Variants in DCC observed in about 807,000 individuals in gnomAD.
The protein encoded by DCC is netrin receptor DCC.
DCC carries 58 observed loss-of-function variants against 172.5 expected under a neutral mutation model. The ratio of observed to expected loss-of-function variants is 0.34; its 90% CI spans 0.27 to 0.42. The LOEUF is 0.42. DCC is among the 10% of genes least tolerant of loss of function. The probability of loss-of-function intolerance (pLI) is 1.00; values close to 1 mark genes in which losing one functional copy is unlikely to be tolerated. For synonymous variants in DCC, 709 were observed against 644.5 expected, an observed-to-expected ratio of 1.10 and a Z score of -1.52; for missense variants, 1,740 against 1,791.0, an observed-to-expected ratio of 0.97 and a Z score of 0.51.
At chr18:53,342,784 T>C (rs1328098632) in intron 15 of DCC, among the ~76,000 whole-genome samples, 2 of 147,378 alleles carry the variant, frequency 1.4e-5, no homozygotes, top group African/African-American at 4.9e-5. Flanking sequence ...TATATATATT[T>C]GAATATATGA....
chr18:52,772,290 A>G (rs533539406), intron 2 of DCC, among the ~76,000 whole-genome samples: 1 of 152,204 alleles, frequency 6.6e-6, no homozygotes, highest in Admixed American at 6.5e-5. Context: ...CAGACAGTAA[A>G]CCATGGATAT....
At chr18:52,864,832 C>G (rs1456131023) in intron 2 of DCC, among the ~76,000 whole-genome samples, 1 of 151,600 alleles carries the variant, frequency 6.6e-6, no homozygotes, top group Non-Finnish European at 1.5e-5. Flanking sequence ...CCAGCTTCAT[C>G]CATGTCCCTG....
At chr18:52,374,332 C>A (rs760679669) in intron 1 of DCC, among the ~76,000 whole-genome samples, 10 of 152,072 alleles carry the variant, frequency 6.6e-5, no homozygotes, top group Non-Finnish European at 1.3e-4. Context: ...ATTTCCCTTA[C>A]GATCCAAGCT....
intron 3 of DCC, among the ~76,000 whole-genome samples, chr18:52,913,156 C>T (rs1308901510): frequency 2.0e-5 from 3 of 152,034 alleles, no homozygotes; most frequent in African/African-American, 7.2e-5. Flanking sequence ...AGTAAATTGA[C>T]AATCCTATTG....
chr18:53,257,852 TG>T (rs1223019128), intron 12 of DCC, among the ~76,000 whole-genome samples: 1 of 152,192 alleles, frequency 6.6e-6, no homozygotes, highest in Non-Finnish European at 1.5e-5. Flanking sequence ...GGACTTTTTT[TG>T]GTTGGTAAGC....
chr18:53,115,939 C>A (rs1326908428), intron 7 of DCC, among the ~76,000 whole-genome samples: 2 of 151,352 alleles, frequency 1.3e-5, no homozygotes, highest in Non-Finnish European at 3.0e-5. Flanking sequence ...GGACCAGGGA[C>A]AAATCCTTAC....
intron 20 of DCC, among the ~76,000 whole-genome samples, chr18:53,410,878 T>G (rs961272061): frequency 8.6e-6 from 1 of 115,694 alleles, no homozygotes; most frequent in Non-Finnish European, 2.1e-5. Flanking sequence ...TTTACAGTCC[T>G]GCTAGAAGTT....
chr18:52,470,361 G>A (rs866323686), intron 1 of DCC, among the ~76,000 whole-genome samples: 85 of 152,242 alleles, frequency 5.6e-4, no homozygotes, highest in African/African-American at 1.9e-3. Context: ...GAAGAGATAT[G>A]CATTGTGAAC....
intron 15 of DCC, among the ~76,000 whole-genome samples, chr18:53,341,128 C>T (rs989214875): frequency 7.2e-5 from 11 of 152,282 alleles, no homozygotes; most frequent in Non-Finnish European, 1.3e-4. Flanking sequence ...TATTTTATGG[C>T]TATCAAGCCT....
intron 12 of DCC, among the ~76,000 whole-genome samples, chr18:53,266,103 C>A (rs2056670440): frequency 6.6e-6 from 1 of 152,192 alleles, no homozygotes; most frequent in South Asian, 2.1e-4. Flanking sequence ...CCTAACCAAG[C>A]ACCAGGTCAG....
chr18:53,030,504 A>G (rs2042012765), intron 5 of DCC, among the ~76,000 whole-genome samples: 1 of 151,934 alleles, frequency 6.6e-6, no homozygotes, highest in Non-Finnish European at 1.5e-5. Flanking sequence ...CTCTTCTTTA[A>G]GCTGGAAATA....
intron 1 of DCC, among the ~76,000 whole-genome samples, chr18:52,717,170 G>C (rs920105969): frequency 6.6e-6 from 1 of 152,154 alleles, no homozygotes; most frequent in Non-Finnish European, 1.5e-5. Flanking sequence ...TTGTAAACAG[G>C]ATGAGGAAGA....
chr18:53,250,868 A>T (rs1047263316), intron 12 of DCC, among the ~76,000 whole-genome samples: 1 of 151,816 alleles, frequency 6.6e-6, no homozygotes, highest in African/African-American at 2.4e-5. Flanking sequence ...AAACCCTACT[A>T]TCTGGCTTCT....
intron 1 of DCC, among the ~76,000 whole-genome samples, chr18:52,581,428 T>A (rs1361999180): frequency 6.6e-6 from 1 of 152,146 alleles, no homozygotes; most frequent in Non-Finnish European, 1.5e-5. Context: ...GTATAAGAGA[T>A]TATTATATTT....
chr18:52,713,457 C>A (rs1216796912), intron 1 of DCC, among the ~76,000 whole-genome samples: 2 of 152,094 alleles, frequency 1.3e-5, no homozygotes, highest in African/African-American at 4.8e-5. Flanking sequence ...TTCAAGAGAC[C>A]ACCCTGGCCA....
chr18:53,252,855 G>A lies in DCC; in HGVS notation c.1911+37258G>A, dbSNP rs150807892. Among the ~76,000 whole-genome samples the A allele has an allele frequency of 5.3e-5, 8 of 152,066 alleles. 1 individual carries two copies. The East Asian group carries it at 1.5e-3, about 29-fold the overall frequency. On this transcript the variant is annotated intron_variant, in intron 12 of 28. Transcript: ENST00000442544. Reference sequence around the variant, plus strand: ...TCAAAACAATTTATGGAGATAGTTTGCATTTGTATAATATATTTTGACTGC... The same window carrying A: ...TCAAAACAATTTATGGAGATAGTTTACATTTGTATAATATATTTTGACTGC...
chr18:52,623,533 T>C (rs950907794), intron 1 of DCC, among the ~76,000 whole-genome samples: 2 of 152,192 alleles, frequency 1.3e-5, no homozygotes, highest in Non-Finnish European at 2.9e-5. Context: ...TTTGTTTTGT[T>C]CTTCCAACAA....
intron 2 of DCC, among the ~76,000 whole-genome samples, chr18:52,805,622 A>C (rs1363629906): frequency 1.3e-5 from 2 of 152,250 alleles, no homozygotes; most frequent in African/African-American, 2.4e-5. Context: ...AAAATTGTTT[A>C]CATTACCTTG....
At chr18:53,112,902 C>A (rs1359016072) in intron 7 of DCC, among the ~76,000 whole-genome samples, 1 of 151,446 alleles carries the variant, frequency 6.6e-6, no homozygotes, top group African/African-American at 2.4e-5. Context: ...ACTTATAAGC[C>A]TTTTTGCTTA....
Sources: allele counts gnomAD v4.1 joint callset (sites outside exome capture counted in the v4.1 genomes callset), GRCh38; gene constraint gnomAD v4.1.1; transcripts MANE v1.5; gene names NCBI Gene and HGNC (gene_info 2026-07-23, HGNC 2026-07-21).